Variants in SHLD1 observed in about 807,000 individuals in gnomAD.
SHLD1 encodes the protein RINN1-REV7-interacting novel NHEJ regulator 3.
A neutral mutation model predicts 5.5 loss-of-function variants in SHLD1; 3 were observed. The ratio of observed to expected loss-of-function variants is 0.54; its 90% CI spans 0.25 to 1.40. The LOEUF is 1.40. Among genes scored for constraint, SHLD1 ranks in the 40% most tolerant of loss-of-function variants. The pLI is 0.15. For missense variants in SHLD1, 210 were observed against 244.4 expected, an observed-to-expected ratio of 0.86 and a Z score of 0.94; for synonymous variants, 92 against 94.3, an observed-to-expected ratio of 0.98 and a Z score of 0.14.
intron 1 of SHLD1, among the ~76,000 whole-genome samples, chr20:5,751,108 A>G (rs1983722540): frequency 6.6e-6 from 1 of 152,166 alleles, no homozygotes; most frequent in East Asian, 1.9e-4. Flanking sequence ...CCAAAGAAAA[A>G]TCCTGCCTCC....
At chr20:5,762,743 G>A (rs1432585466) in intron 1 of SHLD1, among the ~76,000 whole-genome samples, 1 of 152,020 alleles carries the variant, frequency 6.6e-6, no homozygotes, top group Non-Finnish European at 1.5e-5. Context: ...GGGAGACTGA[G>A]GCAGGTGGGT....
chr20:5,862,355 A>T (rs1233142156), intron 2 of SHLD1, among the ~76,000 whole-genome samples: 1 of 152,256 alleles, frequency 6.6e-6, no homozygotes, highest in African/African-American at 2.4e-5. Context: ...AGCCAAGGCC[A>T]TGGTGCCCAG....
intron 1 of SHLD1, among the ~76,000 whole-genome samples, chr20:5,754,310 C>A (rs892013789): frequency 6.6e-6 from 1 of 151,986 alleles, no homozygotes; most frequent in Non-Finnish European, 1.5e-5. Flanking sequence ...GGGTTTTCAC[C>A]ATGTTGCGCA....
chr20:5,818,911 G>A (rs1368406074), intron 2 of SHLD1, among the ~76,000 whole-genome samples: 1 of 152,120 alleles, frequency 6.6e-6, no homozygotes, highest in Non-Finnish European at 1.5e-5. Flanking sequence ...TGTCCAGGCT[G>A]GAGTGCAGTG....
At chr20:5,794,723 G>A (rs1031697314) in intron 2 of SHLD1, among the ~76,000 whole-genome samples, 5 of 152,108 alleles carry the variant, frequency 3.3e-5, no homozygotes, top group African/African-American at 1.2e-4. Flanking sequence ...TTAATCTGGG[G>A]TGTCTTTAAG....
intron 1 of SHLD1, among the ~76,000 whole-genome samples, chr20:5,755,633 C>T (rs566445087): frequency 4.9e-4 from 75 of 152,002 alleles, no homozygotes; most frequent in East Asian, 1.9e-3. Context: ...CATCTAGGCT[C>T]ACCACAACCT....
At chr20:5,762,843 C>T (rs535526058) in intron 1 of SHLD1, among the ~76,000 whole-genome samples, 49 of 151,798 alleles carry the variant, frequency 3.2e-4, no homozygotes, top group Admixed American at 7.2e-4. Flanking sequence ...TGTGGTAGTG[C>T]GCGCCTGTAG....
chr20:5,806,642 GC>G lies in SHLD1; in HGVS notation c.178+33600del, dbSNP rs1175529381. ...GTCCCAGGAGCTGTTGAGGGCAGTG[GC>G]GCCTGCTTCTGGCCATGGACAGAGA... On this transcript the variant is annotated intron_variant, in intron 2 of 2. Transcript: ENST00000303142. The surrounding 1 kb of genome is among the most constrained non-coding windows in gnomAD (Gnocchi z 7.6). Among the ~76,000 whole-genome samples the G allele has an allele frequency of 6.6e-6, 1 of 152,216 alleles. No homozygotes were observed. The highest frequency in any genetic ancestry group is 1.5e-5 in the Non-Finnish European group (1 of 68,038).
intron 2 of SHLD1, among the ~76,000 whole-genome samples, chr20:5,845,281 T>G (rs2087919900): frequency 6.6e-6 from 1 of 152,222 alleles, no homozygotes; most frequent in South Asian, 2.1e-4. Flanking sequence ...AATAAATCAT[T>G]TAATCCTTAC....
chr20:5,845,391 G>A (rs1178638044), intron 2 of SHLD1, among the ~76,000 whole-genome samples: 1 of 152,170 alleles, frequency 6.6e-6, no homozygotes, highest in Non-Finnish European at 1.5e-5. Context: ...CTCATAGCCA[G>A]TAAAGGACTT....
chr20:5,758,428 T>A (rs913269869), intron 1 of SHLD1, among the ~76,000 whole-genome samples: 24 of 150,636 alleles, frequency 1.6e-4, no homozygotes, highest in African/African-American at 5.4e-4. Context: ...TTTTTATATT[T>A]TTTTTTTTTA....
At chr20:5,857,529 T>C (rs1287006) in intron 2 of SHLD1, among the ~76,000 whole-genome samples, 116,868 of 152,078 alleles carry the variant, frequency 0.77, 45,538 homozygotes, top group African/African-American at 0.91. Flanking sequence ...TAAGTCTTGG[T>C]CAGGTGCTGT....
chr20:5,845,100 A>G (rs2087917227), intron 2 of SHLD1, among the ~76,000 whole-genome samples: 1 of 152,042 alleles, frequency 6.6e-6, no homozygotes, highest in African/African-American at 2.4e-5. Flanking sequence ...GCCCAGCCAG[A>G]CATATATTAA....
At chr20:5,783,960 T>C (rs1368723331) in intron 2 of SHLD1, among the ~76,000 whole-genome samples, 2 of 152,068 alleles carry the variant, frequency 1.3e-5, no homozygotes, top group Non-Finnish European at 2.9e-5. Context: ...GAGACCAGCC[T>C]GGTCAACATG....
chr20:5,804,951 C>G (rs2087351666), intron 2 of SHLD1, among the ~76,000 whole-genome samples: 1 of 152,182 alleles, frequency 6.6e-6, no homozygotes, highest in Non-Finnish European at 1.5e-5. Flanking sequence ...AGCAGGAGGC[C>G]TGGCAGCATT....
At chr20:5,858,055 C>T (rs984371863) in intron 2 of SHLD1, among the ~76,000 whole-genome samples, 2 of 149,450 alleles carry the variant, frequency 1.3e-5, no homozygotes, top group Admixed American at 6.7e-5. Flanking sequence ...GCCAAGATCG[C>T]GCCACTGCAC....
Position 5,856,133 on chromosome 20 carries a change from T to A in SHLD1, c.179-6891T>A, listed in dbSNP as rs138806721. On this transcript the variant is annotated intron_variant, in intron 2 of 2. Coordinates refer to ENST00000303142, the MANE Select transcript of SHLD1 (RefSeq NM_152504.4). Reference sequence around the variant, plus strand: ...TTTCATGCCCTGGATATTTGGGGCTTGCTTGTTAGGCAGCATAACCTGGCC... The same window carrying A: ...TTTCATGCCCTGGATATTTGGGGCTAGCTTGTTAGGCAGCATAACCTGGCC... 9.6e-4 allele frequency among the ~76,000 whole-genome samples: 146 copies of A among 152,364 alleles called. 2 individuals are homozygous for A. Among genetic ancestry groups the A allele is most frequent in the African/African-American group, 3.4e-3 (140 of 41,590 alleles).
At chr20:5,776,888 T>A (rs1423988301) in intron 2 of SHLD1, among the ~76,000 whole-genome samples, 1 of 152,150 alleles carries the variant, frequency 6.6e-6, no homozygotes, top group Non-Finnish European at 1.5e-5. Flanking sequence ...CTGCAGTGTT[T>A]TAGGGCACAT....
At chr20:5,857,724 G>A (rs545048484) in intron 2 of SHLD1, among the ~76,000 whole-genome samples, 8 of 151,940 alleles carry the variant, frequency 5.3e-5, no homozygotes, top group African/African-American at 1.2e-4. Context: ...TGGGAGGATC[G>A]CCTGAGCCCA....
Sources: allele counts gnomAD v4.1 joint callset (sites outside exome capture counted in the v4.1 genomes callset), GRCh38; gene constraint gnomAD v4.1.1; non-coding constraint Gnocchi (gnomAD v3.1); transcripts MANE v1.5; gene names NCBI Gene and HGNC (gene_info 2026-07-23, HGNC 2026-07-21).